ROS1: variants seen among roughly 807,000 people sequenced by gnomAD.
The protein encoded by ROS1 is proto-oncogene tyrosine-protein kinase ROS.
Under a neutral mutation model 273.5 loss-of-function variants are expected in ROS1, and 263 were observed. The observed-to-expected ratio is 0.96, with a 90% CI of 0.87 to 1.06. The LOEUF (loss-of-function observed/expected upper bound fraction) is 1.06. Among genes scored for constraint, ROS1 ranks in the 50% least tolerant of loss-of-function variants. The pLI, the probability that ROS1 is intolerant of heterozygous loss-of-function variation, is 0.00. For missense variants in ROS1, 2,833 were observed against 2,751.1 expected (o/e 1.03, Z -0.67); for synonymous variants, 1,008 against 954.1 (o/e 1.06, Z -1.04).
At chr6:117,304,407 T>C (rs1262255190) in intron 42 of ROS1, among the ~76,000 whole-genome samples, 1 of 152,208 alleles carries the variant, frequency 6.6e-6, no homozygotes, top group Non-Finnish European at 1.5e-5. Flanking sequence ...TTCAAAAATA[T>C]TGCCAAGGCA....
chr6:117,402,626 G>T (rs12176352), intron 7 of ROS1, among the ~76,000 whole-genome samples: 2 of 152,118 alleles, frequency 1.3e-5, no homozygotes, highest in Non-Finnish European at 2.9e-5. Context: ...GGTGGCTCAC[G>T]CCTATAATCC....
intron 39 of ROS1, 93 bp downstream of exon 39, chr6:117,317,050 T>A: frequency 7.6e-7 from 1 of 1,309,298 alleles, no homozygotes; most frequent in Non-Finnish European, 1.1e-6. Context: ...TCTAAGGTTT[T>A]ACCACTGCAG....
intron 4 of ROS1, among the ~76,000 whole-genome samples, chr6:117,410,491 C>T (rs1774815214): frequency 6.6e-6 from 1 of 152,084 alleles, no homozygotes; most frequent in Non-Finnish European, 1.5e-5. Flanking sequence ...TACATTTTAT[C>T]TCATTAATGA....
At chr6:117,414,610 A>G in intron 3 of ROS1, 65 bp from the exon 4 acceptor site, 1 of 689,384 alleles carries the variant, frequency 1.5e-6, no homozygotes, top group Non-Finnish European at 2.6e-6. Flanking sequence ...AGTGACACTG[A>G]GCTGTACAAT....
chr6:117,407,109 G>A (rs533049382), intron 5 of ROS1, among the ~76,000 whole-genome samples: 4 of 152,010 alleles, frequency 2.6e-5, no homozygotes, highest in Non-Finnish European at 4.4e-5. Context: ...CCACAGAAAC[G>A]TCTAGGGTGT....
chr6:117,385,621 G>C, intron 16 of ROS1, 62 bp downstream of exon 16: 1 of 1,409,840 alleles, frequency 7.1e-7, no homozygotes, highest in Non-Finnish European at 9.8e-7. Context: ...AAATTGGTGT[G>C]CAAGTCACTG....
chr6:117,341,413 A>G lies in ROS1; in HGVS notation c.4871T>C (p.Ile1624Thr). Residue 1624 changes from isoleucine (I) to threonine (T), a missense_variant, in exon 30 of 44, where the codon ATT becomes ACT. Physicochemically the swap from Ile to Thr is moderately conservative, Grantham distance 89. Coordinates refer to ENST00000368507, the MANE Select transcript of ROS1 (RefSeq NM_001378902.1). Reference protein sequence around the residue: ...LLVTRLSGGNIYVLKVLACHS... With the variant: ...LLVTRLSGGNTYVLKVLACHS... ...AACTCACTGTACCTTTAACACATAAATATTTCCACCAGACAGTCTAGTAAC... is the reference window on the plus strand; with the variant it reads ...AACTCACTGTACCTTTAACACATAAGTATTTCCACCAGACAGTCTAGTAAC... 1 of 1,613,568 alleles carries G rather than the reference A, an allele frequency of 6.2e-7. No individual in the cohort carries two copies. The highest frequency in any genetic ancestry group is 8.5e-7 in the Non-Finnish European group (1 of 1,179,536).
chr6:117,315,825 A>T (rs1374967650), intron 39 of ROS1, among the ~76,000 whole-genome samples: 1 of 152,142 alleles, frequency 6.6e-6, no homozygotes, highest in East Asian at 1.9e-4. Flanking sequence ...GAGCACAAGC[A>T]TCCACACTGC....
chr6:117,383,389 T>C lies in ROS1; in HGVS notation c.2409A>G (p.Ser803=). The change falls in exon 17 of 44, where the codon TCA becomes TCG. Residue 803 remains serine, a synonymous_variant. Coordinates refer to ENST00000368507, the MANE Select transcript of ROS1 (RefSeq NM_001378902.1). The stretch of plus-strand genomic sequence containing the variant: ...CCCCATTTAGTCTGGTGCTTTCCAC[T>C]GAATAGAGTGTGGTCCAGTAGAGAT... ...GGYLYWTTLY[S]VESTRLNGES... 1 of 1,614,134 alleles carries C rather than the reference T, an allele frequency of 6.2e-7. No homozygotes were observed. Among genetic ancestry groups the C allele is most frequent in the Non-Finnish European group, 8.5e-7 (1 of 1,179,956 alleles).
At chr6:117,307,321 G>A (rs1449729613) in intron 42 of ROS1, among the ~76,000 whole-genome samples, 1 of 152,092 alleles carries the variant, frequency 6.6e-6, no homozygotes, top group African/African-American at 2.4e-5. Flanking sequence ...TAACCCTTGG[G>A]GAGAGAGTGG....
chr6:117,423,403 G>A (rs1775902466), intron 1 of ROS1, among the ~76,000 whole-genome samples: 1 of 152,006 alleles, frequency 6.6e-6, no homozygotes, highest in Non-Finnish European at 1.5e-5. Context: ...ACAAAAAGAG[G>A]GCATAGCAAA....
intron 42 of ROS1, among the ~76,000 whole-genome samples, chr6:117,306,779 T>A (rs1362160260): frequency 1.3e-5 from 2 of 152,136 alleles, no homozygotes; most frequent in Admixed American, 1.3e-4. Flanking sequence ...ATCTTTATCA[T>A]GACAACTTAA....
At chr6:117,420,106 T>G (rs1775638722) in intron 1 of ROS1, among the ~76,000 whole-genome samples, 1 of 152,014 alleles carries the variant, frequency 6.6e-6, no homozygotes, top group Non-Finnish European at 1.5e-5. Context: ...TTAACCTCAT[T>G]TTACAGCTGG....
At chr6:117,387,734 C>G in intron 14 of ROS1, 46 bp downstream of exon 14, 1 of 1,579,644 alleles carries the variant, frequency 6.3e-7, no homozygotes, top group Non-Finnish European at 8.6e-7. Context: ...CTCAGCTAGT[C>G]CTCTTTTTGT....
At position 117,324,546 on chromosome 6, in the gene ROS1, G is replaced by A. The variant is rs533998329; in HGVS notation, c.5540-131C>T. ...ATTTTTGCAAGCCAGTTGTTAGACC[G>A]TTGGTAGCTTGAAAGCATCCATACA... is the stretch of plus-strand genomic sequence containing the variant. On this transcript the variant is annotated intron_variant, in intron 34 of 43. Transcript: ENST00000368507. 596 of 559,660 alleles carry A rather than the reference G, an allele frequency of 1.1e-3. 4 individuals are homozygous for A. The highest frequency in any genetic ancestry group is 8.0e-3 in the South Asian group (319 of 39,838). 34.7% of individuals were successfully genotyped at this position (559,660 alleles called of 1,614,324 possible).
At chr6:117,349,332 C>T (rs897824845) in intron 27 of ROS1, among the ~76,000 whole-genome samples, 25 of 152,002 alleles carry the variant, frequency 1.6e-4, no homozygotes, top group African/African-American at 6.0e-4. Flanking sequence ...TAATGTCCCT[C>T]TTTATCCCTT....
rs1324239496 is a variant in ROS1, at chr6:117,394,744, A to G, written c.884-6T>C. ...CCACTGTTCCTCTTGTTGAACTGAA[A>G]AAAACAACACAATTTGCAGACAGGT... On this transcript the variant is annotated splice_region_variant and splice_polypyrimidine_tract_variant and intron_variant, in intron 9 of 43. Transcript: ENST00000368507. 1.2e-6 allele frequency: 2 copies of G among 1,606,500 alleles called. No homozygotes were observed. The highest frequency in any genetic ancestry group is 1.3e-5 in the African/African-American group (1 of 74,392).
chr6:117,313,565 T>C (rs2128552463), intron 39 of ROS1, among the ~76,000 whole-genome samples: 1 of 150,740 alleles, frequency 6.6e-6, no homozygotes, highest in African/African-American at 2.4e-5. Context: ...AGAGAAAGAC[T>C]CTGTCCAAAA....
chr6:117,373,197 C>T (rs1780978476), intron 18 of ROS1, among the ~76,000 whole-genome samples: 1 of 152,234 alleles, frequency 6.6e-6, no homozygotes, highest in Non-Finnish European at 1.5e-5. Context: ...CTCCAAGTCT[C>T]CACCTGACTC....
Sources: allele counts gnomAD v4.1 joint callset (sites outside exome capture counted in the v4.1 genomes callset), GRCh38; gene constraint gnomAD v4.1.1; transcripts MANE v1.5; gene names NCBI Gene and HGNC (gene_info 2026-07-23, HGNC 2026-07-21).